HDAC9: variants seen among roughly 807,000 people sequenced by gnomAD.
The protein encoded by HDAC9 is histone deacetylase 9, also known as MEF-2 interacting transcription repressor (MITR) protein.
HDAC9 carries 41 observed loss-of-function variants against 139.4 expected under a neutral mutation model. The ratio of observed to expected loss-of-function variants is 0.29; its 90% CI spans 0.23 to 0.38. HDAC9 has a LOEUF of 0.38. Among genes scored for constraint, HDAC9 ranks in the 10% least tolerant of loss-of-function variants. The pLI is 1.00. For missense variants in HDAC9, 1,147 were observed against 1,297.0 expected, an observed-to-expected ratio of 0.88 and a Z score of 1.78; for synonymous variants, 517 against 476.2, an observed-to-expected ratio of 1.09 and a Z score of -1.12.
chr7:18,310,705 G>T (rs534014311), intron 1 of HDAC9, among the ~76,000 whole-genome samples: 2 of 152,096 alleles, frequency 1.3e-5, no homozygotes, highest in African/African-American at 4.8e-5. Context: ...ATACCTGCAG[G>T]TGTGACATAG....
chr7:18,502,599 C>A (rs1586385373), intron 2 of HDAC9: 1 of 152,080 alleles, frequency 6.6e-6, no homozygotes. Context: ...TGGGTGTTGA[C>A]TTTCTTTTCA....
chr7:18,111,191 C>G (rs1475293041), intron 1 of HDAC9, among the ~76,000 whole-genome samples: 1 of 152,128 alleles, frequency 6.6e-6, no homozygotes, highest in African/African-American at 2.4e-5. Context: ...CTAATTACTT[C>G]ATTAGTAAGT....
At chr7:18,372,249 A>G (rs1158249435) in intron 1 of HDAC9, among the ~76,000 whole-genome samples, 2 of 152,222 alleles carry the variant, frequency 1.3e-5, no homozygotes, top group South Asian at 2.1e-4. Context: ...AACTGTATGA[A>G]TATGAAGCTT....
intron 14 of HDAC9, among the ~76,000 whole-genome samples, chr7:18,759,905 T>C (rs1204044205): frequency 2.6e-5 from 4 of 152,174 alleles, no homozygotes; most frequent in Non-Finnish European, 5.9e-5. Context: ...CATCAAGATA[T>C]ACTTAATGGT....
At chr7:18,117,505 T>TA (rs200008737) in intron 1 of HDAC9, among the ~76,000 whole-genome samples, 2,365 of 132,922 alleles carry the variant, frequency 0.018, 26 homozygotes, top group East Asian at 0.048. Flanking sequence ...AATAAAAAAT[T>TA]AAAAAAAAAA....
At chr7:18,445,826 A>G (rs1015399508) in intron 1 of HDAC9, among the ~76,000 whole-genome samples, 1 of 152,232 alleles carries the variant, frequency 6.6e-6, no homozygotes, top group African/African-American at 2.4e-5. Context: ...ATATCCTGAA[A>G]ATGGTTTGAC....
chr7:18,468,152 CT>C (rs1328007096), intron 1 of HDAC9, among the ~76,000 whole-genome samples: 1 of 152,066 alleles, frequency 6.6e-6, no homozygotes, highest in African/African-American at 2.4e-5. Context: ...TTTAAAGTTA[CT>C]TTTTTCTCCC....
intron 1 of HDAC9, among the ~76,000 whole-genome samples, chr7:18,299,962 C>T (rs531384283): frequency 2.0e-5 from 3 of 152,256 alleles, no homozygotes; most frequent in South Asian, 2.1e-4. Context: ...TTTATTATCT[C>T]CTTTTGTTAA....
At chr7:18,957,400 A>T (rs966601765) in intron 24 of HDAC9, among the ~76,000 whole-genome samples, 1 of 152,178 alleles carries the variant, frequency 6.6e-6, no homozygotes, top group Non-Finnish European at 1.5e-5. Context: ...CTCCCTGATT[A>T]GTAAACAGTG....
intron 2 of HDAC9, among the ~76,000 whole-genome samples, chr7:18,528,009 G>A (rs1807495430): frequency 6.6e-6 from 1 of 151,920 alleles, no homozygotes; most frequent in Non-Finnish European, 1.5e-5. Context: ...AATAATTATA[G>A]GTCGGGCATG....
chr7:18,609,490 A>G (rs1421273934), intron 6 of HDAC9, among the ~76,000 whole-genome samples: 2 of 152,206 alleles, frequency 1.3e-5, no homozygotes, highest in African/African-American at 2.4e-5. Flanking sequence ...TCCAAGACAG[A>G]GTTCACTAAT....
intron 6 of HDAC9, among the ~76,000 whole-genome samples, chr7:18,627,765 C>G (rs1842088694): frequency 6.6e-6 from 1 of 151,988 alleles, no homozygotes; most frequent in African/African-American, 2.4e-5. Context: ...GATCTCTGCC[C>G]CACCTTTTGA....
At chr7:18,115,673 C>G (rs1057093750) in intron 1 of HDAC9, among the ~76,000 whole-genome samples, 1 of 152,208 alleles carries the variant, frequency 6.6e-6, no homozygotes, top group African/African-American at 2.4e-5. Flanking sequence ...AGCAGCTATA[C>G]TGTGAAACCA....
intron 2 of HDAC9, among the ~76,000 whole-genome samples, chr7:18,252,019 A>T (rs965258376): frequency 1.7e-4 from 26 of 152,170 alleles, no homozygotes; most frequent in Non-Finnish European, 3.5e-4. Context: ...TCATGCAAAT[A>T]ATTACAAATA....
At chr7:18,888,584 G>A (rs1800384968) in intron 22 of HDAC9, among the ~76,000 whole-genome samples, 2 of 151,964 alleles carry the variant, frequency 1.3e-5, no homozygotes, top group Admixed American at 6.6e-5. Context: ...ATATCCTATC[G>A]ACCTCCCACC....
At chr7:18,258,455 A>T (rs1017996781) in intron 2 of HDAC9, among the ~76,000 whole-genome samples, 25 of 152,158 alleles carry the variant, frequency 1.6e-4, no homozygotes, top group African/African-American at 6.0e-4. Context: ...CACTGTACCC[A>T]GTGTGTAGTC....
chr7:18,953,323 G>C (rs543727921), intron 23 of HDAC9, among the ~76,000 whole-genome samples: 2 of 152,082 alleles, frequency 1.3e-5, no homozygotes, highest in African/African-American at 4.8e-5. Flanking sequence ...ATTTGCAAGG[G>C]CCCTAGCCAT....
chr7:18,499,048 A>G (rs1454680485), intron 2 of HDAC9, among the ~76,000 whole-genome samples: 2 of 149,464 alleles, frequency 1.3e-5, no homozygotes, highest in Non-Finnish European at 3.0e-5. Flanking sequence ...TTTCCTATGC[A>G]GACTATCACT....
At chr7:18,137,858 C>G (rs190527473) in intron 1 of HDAC9, among the ~76,000 whole-genome samples, 3,110 of 152,084 alleles carry the variant, frequency 0.02, 91 homozygotes, top group African/African-American at 0.07. Flanking sequence ...TTCTATTGAT[C>G]GGAATAGTTT....
Sources: gnomAD v4.1 joint callset for allele counts (sites outside exome capture counted in the v4.1 genomes callset) on GRCh38, gnomAD v4.1.1 for gene constraint, MANE v1.5 for transcripts, NCBI Gene and HGNC (gene_info 2026-07-23, HGNC 2026-07-21) for gene names.